The following OSBPL8 variants were observed in gnomAD, a reference collection of about 807,000 sequenced individuals.
The protein encoded by OSBPL8 is oxysterol-binding protein-related protein 8.
In OSBPL8, 59 loss-of-function variants were observed where a neutral mutation model predicts 125.5. The observed-to-expected ratio is 0.47, with a 90% CI of 0.38 to 0.58. The LOEUF (loss-of-function observed/expected upper bound fraction) is 0.58, where lower values mean the gene tolerates loss of function less well. Ranked by LOEUF, OSBPL8 falls within the 20% of genes least tolerant of loss-of-function variation. The pLI is 0.00. For missense variants in OSBPL8, 758 were observed against 1,047.8 expected, an observed-to-expected ratio of 0.72 and a Z score of 3.82; for synonymous variants, 330 against 338.9, an observed-to-expected ratio of 0.97 and a Z score of 0.29.
At chr12:76,410,662 T>G (rs1954476781) in intron 4 of OSBPL8, 28 bp from the exon 5 acceptor site, 1 of 1,447,426 alleles carries the variant, frequency 6.9e-7, no homozygotes, top group East Asian at 2.3e-5. Context: ...CATATCAGTA[T>G]TACTACTTTT....
At chr12:76,379,819 T>C (rs906388234) in intron 15 of OSBPL8, among the ~76,000 whole-genome samples, 3 of 152,200 alleles carry the variant, frequency 2.0e-5, no homozygotes, top group Non-Finnish European at 4.4e-5. Context: ...CTTAAGAACA[T>C]TTACGTACAA....
intron 16 of OSBPL8, among the ~76,000 whole-genome samples, chr12:76,375,926 G>A (rs759258730): frequency 1.8e-4 from 27 of 152,092 alleles, no homozygotes; most frequent in Admixed American, 3.3e-4. Context: ...TAAAAGCTAC[G>A]TTTAGGCTTT....
In OSBPL8 at chr12:76,412,020, T is replaced by C. The variant is rs117962925; in HGVS notation, c.218-1386A>G. Among the ~76,000 whole-genome samples the C allele has an allele frequency of 7.2e-4, 110 of 152,300 alleles. No homozygotes were observed. In the East Asian group the frequency reaches 0.015, roughly 21 times the overall value. On this transcript the variant is annotated intron_variant, in intron 4 of 23. Transcript: ENST00000261183. The stretch of plus-strand genomic sequence containing the variant: ...CACGGAGGAATTCTAATCCTAGATA[T>C]ACCCAACAGAAATGAGTGTGTACAT...
intron 15 of OSBPL8, among the ~76,000 whole-genome samples, chr12:76,380,483 T>C (rs1280459186): frequency 7.3e-6 from 1 of 137,678 alleles, no homozygotes; most frequent in Non-Finnish European, 1.5e-5. Context: ...AGAGGATCCC[T>C]TGAGCTCAGG....
At chr12:76,388,210 A>G (rs1178481744) in intron 12 of OSBPL8, among the ~76,000 whole-genome samples, 1 of 152,214 alleles carries the variant, frequency 6.6e-6, no homozygotes, top group East Asian at 1.9e-4. Flanking sequence ...ACCCTGCTGC[A>G]ACAATCTTGT....
chr12:76,385,916 A>G, intron 14 of OSBPL8: 1 of 353,374 alleles, frequency 2.8e-6, no homozygotes, highest in Non-Finnish European at 4.5e-6. Context: ...AATTAAAAAA[A>G]GGGCAGGGGG....
At chr12:76,383,157 A>T (rs1010827085) in intron 15 of OSBPL8, among the ~76,000 whole-genome samples, 3 of 152,138 alleles carry the variant, frequency 2.0e-5, no homozygotes, top group Non-Finnish European at 4.4e-5. Context: ...TTGTACTATA[A>T]CACAGAAAAA....
At chr12:76,367,267 C>A (rs1192793658) in intron 21 of OSBPL8, among the ~76,000 whole-genome samples, 1 of 136,626 alleles carries the variant, frequency 7.3e-6, no homozygotes, top group Non-Finnish European at 1.6e-5. Context: ...TATGAATTGA[C>A]CCTTTTATCA....
chr12:76,405,972 T>G (rs1344515960), intron 5 of OSBPL8, among the ~76,000 whole-genome samples: 1 of 152,184 alleles, frequency 6.6e-6, no homozygotes, highest in Non-Finnish European at 1.5e-5. Flanking sequence ...TTACAGGCTC[T>G]GTGACTTTGA....
rs1951873950 is a variant in OSBPL8, at chr12:76,352,978, A to T, written c.*2911T>A. 6.6e-6 allele frequency: 1 copy of T among 152,494 alleles called. No homozygotes were observed. The highest frequency in any genetic ancestry group is 6.5e-5 in the Admixed American group (1 of 15,270). 9.4% of individuals were successfully genotyped at this position (152,494 alleles called of 1,614,324 possible). On this transcript the variant is annotated 3_prime_UTR_variant, in exon 24 of 24. Transcript: ENST00000261183. ...TAAAAGATAGTATTATTGTTTAAATATACTATAGCTATATAAAAAGAAAGT... is the reference window on the plus strand; with the variant it reads ...TAAAAGATAGTATTATTGTTTAAATTTACTATAGCTATATAAAAAGAAAGT...
At chr12:76,376,459 A>C (rs1039278359) in intron 16 of OSBPL8, among the ~76,000 whole-genome samples, 1 of 152,208 alleles carries the variant, frequency 6.6e-6, no homozygotes, top group African/African-American at 2.4e-5. Flanking sequence ...GAAAACATAC[A>C]GGGTGAAACA....
chr12:76,488,004 T>A (rs951222332), intron 1 of OSBPL8, among the ~76,000 whole-genome samples: 2 of 152,214 alleles, frequency 1.3e-5, no homozygotes, highest in Admixed American at 1.3e-4. Context: ...ACTTTTGTTA[T>A]GAGAATATAA....
intron 4 of OSBPL8, among the ~76,000 whole-genome samples, chr12:76,433,191 C>A (rs1358304467): frequency 6.6e-6 from 1 of 152,142 alleles, no homozygotes; most frequent in Non-Finnish European, 1.5e-5. Context: ...CCACTCTCAC[C>A]ACTTCCATTC....
At chr12:76,400,077 T>C (rs1953984500) in intron 6 of OSBPL8, 103 bp from the exon 7 acceptor site, 1 of 780,512 alleles carries the variant, frequency 1.3e-6, no homozygotes, top group Non-Finnish European at 2.0e-6. Context: ...GGTAAACCTG[T>C]GTCATGGGGT....
At chr12:76,542,245 C>T (rs959387439) in intron 1 of OSBPL8, among the ~76,000 whole-genome samples, 1 of 152,180 alleles carries the variant, frequency 6.6e-6, no homozygotes, top group Non-Finnish European at 1.5e-5. Flanking sequence ...AAAGACTCTC[C>T]AGTACTTTTA....
intron 5 of OSBPL8, among the ~76,000 whole-genome samples, chr12:76,408,232 C>A (rs541368605): frequency 2.0e-5 from 3 of 149,738 alleles, no homozygotes; most frequent in Admixed American, 2.0e-4. Flanking sequence ...GAGGCCGAGG[C>A]GGGCAGATTA....
chr12:76,449,292 G>A (rs994667675), intron 4 of OSBPL8, among the ~76,000 whole-genome samples: 1 of 152,136 alleles, frequency 6.6e-6, no homozygotes, highest in Non-Finnish European at 1.5e-5. Context: ...GGAGATTTCC[G>A]TACATTTGAT....
Position 76,390,654 on chromosome 12 carries a change from T to C in OSBPL8, c.933A>G (p.Leu311=), listed in dbSNP as rs1414641270. ...GTTGTCGTTCAATTTCACTATCATT[T>C]AACCTTAAGGGAAAGAATTTTTAGG... ...NNLHSGDNFQ[L]NDSEIERQHF... is the part of the protein sequence containing the mutation. The change falls in exon 11 of 24, where the codon TTA becomes TTG. Residue 311 remains leucine, a synonymous_variant. Transcript: ENST00000261183. 2 of 1,600,358 alleles carry C rather than the reference T, an allele frequency of 1.2e-6. No homozygotes were observed. The highest frequency in any genetic ancestry group is 8.6e-7 in the Non-Finnish European group (1 of 1,168,364).
chr12:76,395,249 A>C (rs1953742292), intron 8 of OSBPL8, among the ~76,000 whole-genome samples: 1 of 152,204 alleles, frequency 6.6e-6, no homozygotes, highest in Admixed American at 6.5e-5. Context: ...CATGAAAGAA[A>C]AAGAAATTCT....
Sources: gnomAD v4.1 joint callset for allele counts (sites outside exome capture counted in the v4.1 genomes callset) on GRCh38, gnomAD v4.1.1 for gene constraint, MANE v1.5 for transcripts, NCBI Gene and HGNC (gene_info 2026-07-23, HGNC 2026-07-21) for gene names.